The following LPP variants were observed in gnomAD, a reference collection of about 807,000 sequenced individuals.
The protein encoded by LPP is lipoma-preferred partner.
In LPP, 38 loss-of-function variants were observed where a neutral mutation model predicts 60.4. The observed-to-expected ratio is 0.63, with a 90% CI of 0.49 to 0.83. The LOEUF is 0.83. LPP is among the 40% of genes least tolerant of loss of function. The probability of loss-of-function intolerance (pLI) is 0.00; values close to 1 mark genes in which losing one functional copy is unlikely to be tolerated. For missense variants in LPP, 902 were observed against 783.6 expected (o/e 1.15, Z -1.80); for synonymous variants, 328 against 290.8 (o/e 1.13, Z -1.30).
chr3:188,173,683 A>ACC (rs1722270971), intron 1 of LPP, among the ~76,000 whole-genome samples: 2 of 152,046 alleles, frequency 1.3e-5, no homozygotes, highest in East Asian at 3.9e-4. Flanking sequence ...TCTTCCCCTG[A>ACC]TTTATCTCCC....
chr3:188,734,101 T>C lies in LPP; in HGVS notation c.1240+25708T>C, dbSNP rs189718306. Among the ~76,000 whole-genome samples, 1,293 of 152,284 alleles carry C rather than the reference T, an allele frequency of 8.5e-3. 5 individuals carry two copies. The highest frequency in any genetic ancestry group is 0.017 in the South Asian group (83 of 4,832). ...TTTATTTAGTTATTCATTGTTGTAG[T>C]ATCTTACTCTGAATGTTCATTTATA... On this transcript the variant is annotated intron_variant, in intron 8 of 11. Transcript: ENST00000617246.
At chr3:188,173,551 CA>C (rs1560081497) in intron 1 of LPP, among the ~76,000 whole-genome samples, 1 of 151,860 alleles carries the variant, frequency 6.6e-6, no homozygotes, top group Non-Finnish European at 1.5e-5. Context: ...ACCTGGGCAG[CA>C]GAGTGACTCC....
At chr3:188,243,072 A>G (rs1725552334) in intron 2 of LPP, among the ~76,000 whole-genome samples, 1 of 152,208 alleles carries the variant, frequency 6.6e-6, no homozygotes, top group Admixed American at 6.5e-5. Context: ...AAAGTCCCAT[A>G]GATTCAAAAT....
At chr3:188,285,216 GT>G (rs887893829) in intron 2 of LPP, among the ~76,000 whole-genome samples, 3 of 152,132 alleles carry the variant, frequency 2.0e-5, no homozygotes, top group African/African-American at 7.2e-5. Flanking sequence ...AAGTTGTATT[GT>G]TGGTCGTAGG....
intron 9 of LPP, among the ~76,000 whole-genome samples, chr3:188,769,490 G>T (rs1735183732): frequency 6.6e-6 from 1 of 152,190 alleles, no homozygotes; most frequent in South Asian, 2.1e-4. Context: ...AAGAGGCCTA[G>T]CTGAACATAA....
At chr3:188,672,809 ATAG>A (rs1284244599) in intron 7 of LPP, among the ~76,000 whole-genome samples, 2 of 152,186 alleles carry the variant, frequency 1.3e-5, no homozygotes, top group Non-Finnish European at 2.9e-5. Flanking sequence ...TGCCAAGACA[ATAG>A]TATGTTTTCT....
chr3:188,306,725 T>G (rs1292915488), intron 2 of LPP, among the ~76,000 whole-genome samples: 1 of 152,094 alleles, frequency 6.6e-6, no homozygotes, highest in African/African-American at 2.4e-5. Context: ...CTGAAAGGGG[T>G]GACAGCCGCT....
intron 2 of LPP, among the ~76,000 whole-genome samples, chr3:188,233,692 A>G (rs944043734): frequency 6.6e-6 from 1 of 152,114 alleles, no homozygotes; most frequent in African/African-American, 2.4e-5. Context: ...TTTTCCCCCC[A>G]TTGAGAATGG....
intron 6 of LPP, among the ~76,000 whole-genome samples, chr3:188,567,413 C>T (rs932571858): frequency 2.0e-5 from 3 of 151,758 alleles, no homozygotes; most frequent in African/African-American, 4.8e-5. Flanking sequence ...AATTGAAACA[C>T]ATCCTATGAT....
intron 7 of LPP, among the ~76,000 whole-genome samples, chr3:188,698,204 C>T (rs1445310556): frequency 1.3e-5 from 2 of 152,102 alleles, no homozygotes; most frequent in Admixed American, 6.5e-5. Context: ...CACTGCCAGG[C>T]ATGTGGGGCA....
At chr3:188,802,797 A>G (rs1168381294) in intron 9 of LPP, among the ~76,000 whole-genome samples, 4 of 152,126 alleles carry the variant, frequency 2.6e-5, no homozygotes, top group African/African-American at 9.7e-5. Context: ...AAGAAAAAAA[A>G]AAGCTTTAAA....
intron 3 of LPP, among the ~76,000 whole-genome samples, chr3:188,346,662 A>G (rs1272195234): frequency 6.6e-6 from 1 of 152,218 alleles, no homozygotes; most frequent in Non-Finnish European, 1.5e-5. Context: ...TGGAATTTTC[A>G]GAAACTCAGA....
chr3:188,239,992 A>G (rs1723344787), intron 2 of LPP: 1 of 197,070 alleles, frequency 5.1e-6, no homozygotes, highest in South Asian at 1.9e-4. Context: ...TGAGGCCCAG[A>G]GAAGTAAAAT....
intron 3 of LPP, among the ~76,000 whole-genome samples, chr3:188,388,863 G>A (rs140509510): frequency 2.0e-5 from 3 of 152,272 alleles, no homozygotes; most frequent in Admixed American, 6.5e-5. Flanking sequence ...AGGCCAGATG[G>A]TCTCTGTCAC....
intron 2 of LPP, among the ~76,000 whole-genome samples, chr3:188,276,112 C>G (rs1049674139): frequency 2.0e-5 from 3 of 152,170 alleles, no homozygotes; most frequent in African/African-American, 7.2e-5. Context: ...ACACAGCAAA[C>G]AAAAAACACA....
intron 5 of LPP, among the ~76,000 whole-genome samples, chr3:188,516,831 T>G (rs1307779966): frequency 6.6e-6 from 1 of 151,920 alleles, no homozygotes; most frequent in African/African-American, 2.4e-5. Context: ...AGCCTGGTAA[T>G]CTAAGGTTTA....
chr3:188,803,756 G>C (rs1230634103), intron 9 of LPP, among the ~76,000 whole-genome samples: 2 of 152,152 alleles, frequency 1.3e-5, no homozygotes, highest in African/African-American at 4.8e-5. Context: ...AGTACGGTTT[G>C]TTCTGCTCTT....
At chr3:188,716,930 T>G (rs1714252412) in intron 8 of LPP, among the ~76,000 whole-genome samples, 1 of 152,222 alleles carries the variant, frequency 6.6e-6, no homozygotes, top group Non-Finnish European at 1.5e-5. Flanking sequence ...AGATTATCAT[T>G]ATTATTATTA....
chr3:188,261,495 A>G (rs1462221786), intron 2 of LPP, among the ~76,000 whole-genome samples: 1 of 152,208 alleles, frequency 6.6e-6, no homozygotes, highest in Admixed American at 6.5e-5. Flanking sequence ...GTCAATCAAC[A>G]TACAGATATT....
Sources: allele counts gnomAD v4.1 joint callset (sites outside exome capture counted in the v4.1 genomes callset), GRCh38; gene constraint gnomAD v4.1.1; transcripts MANE v1.5; gene names NCBI Gene and HGNC (gene_info 2026-07-23, HGNC 2026-07-21).